CETN3: variants seen among roughly 807,000 people sequenced by gnomAD.
CETN3 encodes centrin-3.
CETN3 carries 17 observed loss-of-function variants against 20.1 expected under a neutral mutation model. The observed-to-expected ratio is 0.85, with a 90% CI of 0.58 to 1.27. CETN3 has a LOEUF of 1.27. Ranked by LOEUF, CETN3 falls within the 50% of genes most tolerant of loss-of-function variation. CETN3 has a pLI of 0.00. For missense variants in CETN3, 169 were observed against 191.2 expected, an observed-to-expected ratio of 0.88 and a Z score of 0.69; for synonymous variants, 52 against 59.7, an observed-to-expected ratio of 0.87 and a Z score of 0.59.
rs2151881274 is a variant in CETN3 at position 90,394,078 on chromosome 5, T to G, written c.490A>C (p.Thr164Pro). The change falls in exon 5 of 5, where the codon ACT becomes CCT. Residue 164 changes from threonine (T) to proline (P), a missense_variant. Coordinates refer to ENST00000283122, the MANE Select transcript of CETN3 (RefSeq NM_004365.4). ...CTTGTAATTCTTTAAATGTCACCAG[T>G]CATAATAGCAATGAACTCCTCTTGG... The part of the protein sequence containing the change: ...INQEEFIAIM[T>P]GDI The G allele has an allele frequency of 6.5e-7, 1 of 1,548,336 alleles. No individual in the cohort carries two copies. Among genetic ancestry groups the G allele is most frequent in the South Asian group, 1.1e-5 (1 of 87,156 alleles).
intron 3 of CETN3, 140 bp from the exon 4 acceptor site, chr5:90,399,689 C>G: frequency 1.5e-6 from 1 of 652,464 alleles, no homozygotes; most frequent in Non-Finnish European, 2.6e-6. Flanking sequence ...CAAATGAGAT[C>G]CCCAAACCCC....
Position 90,404,077 on chromosome 5 carries a change from A to T in CETN3, c.268+1608T>A, listed in dbSNP as rs1320296179. Among the ~76,000 whole-genome samples the T allele has an allele frequency of 5.9e-5, 9 of 152,182 alleles. No homozygotes were observed. In the South Asian group the frequency reaches 1.7e-3, roughly 28 times the overall value. On this transcript the variant is annotated intron_variant, in intron 3 of 4. Coordinates refer to ENST00000283122, the MANE Select transcript of CETN3 (RefSeq NM_004365.4). ...TATTTCGAGCCCCTGAAACAAAGAC[A>T]ATTTTTTAAAGTAATAATAATAGCA...
chr5:90,399,858 T>C (rs1434190208), intron 3 of CETN3, among the ~76,000 whole-genome samples: 1 of 152,208 alleles, frequency 6.6e-6, no homozygotes, highest in Non-Finnish European at 1.5e-5. Flanking sequence ...AGATCTACTA[T>C]TATCAAGAAT....
intron 2 of CETN3, 54 bp from the exon 3 acceptor site, chr5:90,405,853 T>C: frequency 9.0e-7 from 1 of 1,109,030 alleles, no homozygotes. Flanking sequence ...CAAAAGAATT[T>C]CTAATTATTA....
At chr5:90,401,827 T>C (rs1041809713) in intron 3 of CETN3, among the ~76,000 whole-genome samples, 7 of 152,142 alleles carry the variant, frequency 4.6e-5, no homozygotes, top group African/African-American at 1.7e-4. Context: ...GGTCCTATAG[T>C]ACTGAGAATA....
chr5:90,405,459 T>C (rs1749412111), intron 3 of CETN3: 1 of 504,220 alleles, frequency 2.0e-6, no homozygotes, highest in African/African-American at 2.0e-5. Context: ...AGTTCCTTGG[T>C]TAGAATCTTC....
chr5:90,409,298 C>G (rs370839838), intron 1 of CETN3, among the ~76,000 whole-genome samples: 18 of 152,256 alleles, frequency 1.2e-4, no homozygotes, highest in South Asian at 8.3e-4. Context: ...TGACCAGGCA[C>G]ACGGATGAAT....
rs972115050 is a variant in CETN3, at chr5:90,393,555, A to G, written c.*509T>C. The G allele has an allele frequency of 6.6e-6, 1 of 152,240 alleles. No homozygotes were observed. Among genetic ancestry groups the G allele is most frequent in the African/African-American group, 2.4e-5 (1 of 41,440 alleles). The allele number at this position is 152,240 out of a possible 1,614,324, so 9.4% of individuals were successfully genotyped here. On this transcript the variant is annotated 3_prime_UTR_variant, in exon 5 of 5. Transcript: ENST00000283122. ...TTGTATTAAAATATAGAATGTCAAA[A>G]TTGATGAAATGTTAGGTAATGGAAA...
chr5:90,394,315 T>A, intron 4 of CETN3, among the ~76,000 whole-genome samples: 1 of 152,062 alleles, frequency 6.6e-6, no homozygotes, highest in East Asian at 1.9e-4. Context: ...ATACATATAA[T>A]GTGATAAACA....
rs762897158 is a variant in CETN3, at chr5:90,405,804, T to A, written c.154-5A>T. On this transcript the variant is annotated splice_polypyrimidine_tract_variant and splice_region_variant and intron_variant, in intron 2 of 4. Coordinates refer to ENST00000283122, the MANE Select transcript of CETN3 (RefSeq NM_004365.4). ...CCCCAAGGCTCTCATTGCCACCTTTTGGATTAAAAAGGAAAAGCAAATTAT... is the reference window on the plus strand; with the variant it reads ...CCCCAAGGCTCTCATTGCCACCTTTAGGATTAAAAAGGAAAAGCAAATTAT... The A allele has an allele frequency of 1.0e-5, 16 of 1,585,900 alleles. No individual in the cohort carries two copies. The East Asian group carries it at 3.6e-4, about 36-fold the overall frequency.
At chr5:90,398,125 C>T (rs1043823402) in intron 4 of CETN3, among the ~76,000 whole-genome samples, 7 of 152,150 alleles carry the variant, frequency 4.6e-5, no homozygotes, top group African/African-American at 1.7e-4. Flanking sequence ...TGTAGTACAT[C>T]TTATTTACCT....
intron 3 of CETN3, among the ~76,000 whole-genome samples, chr5:90,400,225 C>G (rs1389975257): frequency 6.6e-6 from 1 of 152,116 alleles, no homozygotes; most frequent in Non-Finnish European, 1.5e-5. Flanking sequence ...AAGAAGGTCT[C>G]CTTAAAGCTT....
Position 90,400,588 on chromosome 5 carries a change from T to TA in CETN3, c.269-1040dup, listed in dbSNP as rs200830960. On this transcript the variant is annotated intron_variant, in intron 3 of 4. Transcript: ENST00000283122. ...GTCCTGTTGAAGGTTACAGAATCAT[T>TA]AAAAAAAAAAAAAAAAGCAACTGCT... is the stretch of plus-strand genomic sequence containing the variant. Among the ~76,000 whole-genome samples the TA allele has an allele frequency of 4.0e-3, 470 of 116,412 alleles. 3 individuals are homozygous for TA. The highest frequency in any genetic ancestry group is 0.011 in the East Asian group (43 of 4,048). The allele number at this position is 116,412 out of a possible 152,430, so 76.4% of individuals were successfully genotyped here.
At chr5:90,396,155 C>A (rs1416951258) in intron 4 of CETN3, 2 of 983,992 alleles carry the variant, frequency 2.0e-6, no homozygotes, top group Non-Finnish European at 2.4e-6. Flanking sequence ...GGGAGAATAC[C>A]ATCAGAAATA....
intron 4 of CETN3, chr5:90,396,335 A>G: frequency 1.0e-6 from 1 of 984,812 alleles, no homozygotes; most frequent in South Asian, 4.7e-5. Flanking sequence ...TAATACTCCA[A>G]ACTACTTTCA....
intron 2 of CETN3, among the ~76,000 whole-genome samples, chr5:90,407,356 C>T (rs1276174223): frequency 6.6e-6 from 1 of 151,736 alleles, no homozygotes; most frequent in Non-Finnish European, 1.5e-5. Context: ...TATGAGTCAC[C>T]AAGAAACAAA....
At chr5:90,408,117 A>G (rs1010630875) in intron 1 of CETN3, among the ~76,000 whole-genome samples, 9 of 152,154 alleles carry the variant, frequency 5.9e-5, no homozygotes, top group Non-Finnish European at 1.2e-4. Flanking sequence ...TGTGGAAGAA[A>G]CAAGAACTGT....
intron 4 of CETN3, chr5:90,395,849 TAA>T (rs1441878153): frequency 1.1e-6 from 1 of 884,876 alleles, no homozygotes; most frequent in East Asian, 1.2e-4. Context: ...GTTGAGGAGA[TAA>T]AACATGGTCA....
intron 3 of CETN3, among the ~76,000 whole-genome samples, chr5:90,403,025 T>C (rs1749339098): frequency 6.6e-6 from 1 of 152,262 alleles, no homozygotes; most frequent in Non-Finnish European, 1.5e-5. Flanking sequence ...AACGTTTGAC[T>C]TATGTTAGTC....
Sources: gnomAD v4.1 joint callset for allele counts (sites outside exome capture counted in the v4.1 genomes callset) on GRCh38, gnomAD v4.1.1 for gene constraint, MANE v1.5 for transcripts, NCBI Gene and HGNC (gene_info 2026-07-23, HGNC 2026-07-21) for gene names.